Variants in CALN1 observed in about 807,000 individuals in gnomAD.
CALN1 encodes calneuron 1, also known as calcium-binding protein 8.
In CALN1, 17 loss-of-function variants were observed where a neutral mutation model predicts 30.6. That is an observed-to-expected ratio of 0.56 (90% CI 0.38 to 0.83). The LOEUF is 0.83. Ranked by LOEUF, CALN1 falls within the 40% of genes least tolerant of loss-of-function variation. The pLI, the probability that CALN1 is intolerant of heterozygous loss-of-function variation, is 0.00. For missense variants in CALN1, 291 were observed against 354.9 expected (o/e 0.82, Z 1.45); for synonymous variants, 156 against 131.4 (o/e 1.19, Z -1.28).
At chr7:72,465,457 C>G in the CALN1 span, among the ~76,000 whole-genome samples, 2 of 152,188 alleles carry the variant, frequency 1.3e-5, no homozygotes, top group African/African-American at 4.8e-5. Context: ...CAACTCCAAA[C>G]TGGGGCTTTA....
At chr7:72,417,935 T>TTTTG (rs1359425340) in intron 1 of CALN1, among the ~76,000 whole-genome samples, 1 of 152,220 alleles carries the variant, frequency 6.6e-6, no homozygotes, top group Admixed American at 6.5e-5. Flanking sequence ...CTGTTCCTCT[T>TTTTG]TTTGTTTGTT....
At chr7:72,371,514 T>C (rs746114476) in intron 2 of CALN1, among the ~76,000 whole-genome samples, 16 of 152,214 alleles carry the variant, frequency 1.1e-4, no homozygotes, top group Non-Finnish European at 1.9e-4. Context: ...CCTGCCATCA[T>C]GTGAAGAAGG....
At chr7:72,107,792 A>G (rs145203115) in intron 3 of CALN1, among the ~76,000 whole-genome samples, 26 of 152,356 alleles carry the variant, frequency 1.7e-4, no homozygotes, top group African/African-American at 6.0e-4. Flanking sequence ...TGAGAAGCAC[A>G]GTATTAATAA....
At chr7:71,811,741 C>T (rs930826654) in intron 5 of CALN1, among the ~76,000 whole-genome samples, 6 of 150,336 alleles carry the variant, frequency 4.0e-5, no homozygotes, top group Non-Finnish European at 5.9e-5. Context: ...TGCAGTGGCG[C>T]GATCTCGGCT....
intron 5 of CALN1, among the ~76,000 whole-genome samples, chr7:71,952,505 G>T (rs1318913075): frequency 2.0e-5 from 3 of 152,200 alleles, no homozygotes; most frequent in Non-Finnish European, 4.4e-5. Context: ...CCCTTGGCCA[G>T]GCGGCAATGC....
At chr7:72,184,738 G>A (rs1182303333) in intron 3 of CALN1, among the ~76,000 whole-genome samples, 1 of 152,040 alleles carries the variant, frequency 6.6e-6, no homozygotes, top group African/African-American at 2.4e-5. Context: ...AATTACCTGA[G>A]TATTCTGCAG....
intron 6 of CALN1, among the ~76,000 whole-genome samples, chr7:71,799,771 C>T (rs1787198019): frequency 6.6e-6 from 1 of 152,164 alleles, no homozygotes; most frequent in African/African-American, 2.4e-5. Context: ...CCGCCGCGCC[C>T]AGCTGGGTCT....
chr7:71,900,108 A>G (rs1031433161), intron 5 of CALN1, among the ~76,000 whole-genome samples: 1 of 152,206 alleles, frequency 6.6e-6, no homozygotes, highest in African/African-American at 2.4e-5. Context: ...ACAAAGGAAA[A>G]CTTGCAAAAT....
intron 3 of CALN1, among the ~76,000 whole-genome samples, chr7:72,182,623 G>A (rs568676442): frequency 6.6e-6 from 1 of 152,226 alleles, no homozygotes; most frequent in African/African-American, 2.4e-5. Context: ...GGGAGGCTGA[G>A]GCGGGAGAAT....
At chr7:72,425,743 T>C (rs1807781955) in intron 1 of CALN1, among the ~76,000 whole-genome samples, 1 of 152,162 alleles carries the variant, frequency 6.6e-6, no homozygotes, top group East Asian at 1.9e-4. Flanking sequence ...TGCTAATAGA[T>C]GACGTTAAGG....
intron 5 of CALN1, among the ~76,000 whole-genome samples, chr7:71,927,400 G>A (rs143656297): frequency 0.02 from 3,012 of 152,166 alleles, 91 homozygotes; most frequent in African/African-American, 0.069. Flanking sequence ...AATACAGATG[G>A]GGTTTCACCA....
chr7:72,489,502 T>C, the CALN1 span, among the ~76,000 whole-genome samples: 1 of 152,138 alleles, frequency 6.6e-6, no homozygotes, highest in African/African-American at 2.4e-5. Context: ...AGTGTCACTC[T>C]ATTAAAGTGA....
intron 5 of CALN1, among the ~76,000 whole-genome samples, chr7:71,861,758 G>T (rs996211815): frequency 4.4e-5 from 5 of 113,810 alleles, no homozygotes; most frequent in East Asian, 3.2e-4. Context: ...CAGCATGGGT[G>T]AAAGAGTGCA....
intron 3 of CALN1, among the ~76,000 whole-genome samples, chr7:72,249,638 C>T (rs1562794400): frequency 6.6e-6 from 1 of 152,024 alleles, no homozygotes; most frequent in Non-Finnish European, 1.5e-5. Flanking sequence ...CCTGTCTCTA[C>T]AAAAAATACA....
chr7:72,349,802 G>C (rs1802829837), intron 2 of CALN1, among the ~76,000 whole-genome samples: 1 of 152,096 alleles, frequency 6.6e-6, no homozygotes, highest in African/African-American at 2.4e-5. Context: ...CTTTTTGCTT[G>C]TTAATTTAAG....
intron 2 of CALN1, among the ~76,000 whole-genome samples, chr7:72,319,086 T>TCCAA (rs1183367509): frequency 3.3e-5 from 5 of 152,192 alleles, no homozygotes; most frequent in African/African-American, 1.2e-4. Flanking sequence ...TGCACCCATA[T>TCCAA]GTTTATCCAA....
chr7:72,392,829 T>G (rs1805664355), intron 2 of CALN1, among the ~76,000 whole-genome samples: 1 of 111,204 alleles, frequency 9.0e-6, no homozygotes, highest in Non-Finnish European at 1.8e-5. Context: ...AAAGACCCTG[T>G]TTCATTAAAA....
chr7:72,031,456 C>CCTTAT (rs1801429992), intron 4 of CALN1, among the ~76,000 whole-genome samples: 1 of 152,172 alleles, frequency 6.6e-6, no homozygotes, highest in Non-Finnish European at 1.5e-5. Flanking sequence ...TAGGTTCTCC[C>CCTTAT]CTTCCACATC....
intron 2 of CALN1, among the ~76,000 whole-genome samples, chr7:72,331,120 C>T (rs778372901): frequency 4.6e-5 from 7 of 152,114 alleles, no homozygotes; most frequent in Non-Finnish European, 1.0e-4. Context: ...GAGGCCAAGG[C>T]AGGTAGATTA....
Sources: allele counts gnomAD v4.1 joint callset (sites outside exome capture counted in the v4.1 genomes callset), GRCh38; gene constraint gnomAD v4.1.1; transcripts MANE v1.5; gene names NCBI Gene and HGNC (gene_info 2026-07-23, HGNC 2026-07-21).